Variants in FAM83D observed in about 807,000 individuals in gnomAD.
FAM83D encodes the protein scaffolding CK1 anchoring protein D.
Under a neutral mutation model 25.4 loss-of-function variants are expected in FAM83D, and 26 were observed. That is an observed-to-expected ratio of 1.02 (90% CI 0.75 to 1.42). FAM83D has a LOEUF of 1.42. FAM83D is among the 40% of genes most tolerant of loss of function. FAM83D has a pLI of 0.00. For missense variants in FAM83D, 740 were observed against 758.1 expected (o/e 0.98, Z 0.28); for synonymous variants, 310 against 318.5 (o/e 0.97, Z 0.28).
intron 1 of FAM83D, among the ~76,000 whole-genome samples, chr20:38,931,770 G>T (rs2085659660): frequency 1.3e-5 from 2 of 152,258 alleles, no homozygotes; most frequent in Non-Finnish European, 1.5e-5. Context: ...GTTTTATCCA[G>T]CAGCTCTCTG....
chr20:38,929,402 G>A (rs892430373), intron 1 of FAM83D, among the ~76,000 whole-genome samples: 2 of 152,020 alleles, frequency 1.3e-5, no homozygotes, highest in African/African-American at 4.8e-5. Flanking sequence ...GAAAGTCTCC[G>A]GAGTGGCAGT....
At chr20:38,930,340 GAGGCTACAATTAAGAAAAGACC>G (rs1269818859) in intron 1 of FAM83D, among the ~76,000 whole-genome samples, 1 of 152,182 alleles carries the variant, frequency 6.6e-6, no homozygotes, top group Non-Finnish European at 1.5e-5. Context: ...ACACTGGGAG[GAGGCTACAATTAAGAAAAGACC>G]AGGCACAGAG....
chr20:38,951,848 CTG>C lies in FAM83D; in HGVS notation c.1089_1090del (p.Cys363Ter), dbSNP rs1215699407. On this transcript the variant is annotated frameshift_variant, in exon 4 of 4. Coordinates refer to ENST00000619850, the MANE Select transcript of FAM83D (RefSeq NM_030919.3). LOFTEE classifies it low-confidence loss of function (END_TRUNC). Reference protein sequence around the residue: ...EGKAERKPHDCESSTVSEEDY... With the variant: ...EGKAERKPHDXESSTVSEEDY... ...GCAAGGCAGAGCGCAAGCCCCATGA[CTG>C]TGAGTCCTCTACTGTTAGTGAGGAA... The C allele has an allele frequency of 6.2e-7, 1 of 1,614,242 alleles. No individual in the cohort carries two copies. The highest frequency in any genetic ancestry group is 8.5e-7 in the Non-Finnish European group (1 of 1,180,044).
rs777085698 is a variant in FAM83D at position 38,952,424 on chromosome 20, C to G, written c.1662C>G (p.Leu554=). ...TGGCTATGCTGTCAAGGAGAACACT[C>G]TTTACTGAAAACCACCTTGGCCTTC... is the stretch of plus-strand genomic sequence containing the variant. ...HMLAMLSRRT[L]FTENHLGLHS... is the part of the protein sequence containing the mutation. The change falls in exon 4 of 4, where the codon CTC becomes CTG. Residue 554 remains leucine, a synonymous_variant. Transcript: ENST00000619850. 1 of 1,614,156 alleles carries G rather than the reference C, an allele frequency of 6.2e-7. No homozygotes were observed. Among genetic ancestry groups the G allele is most frequent in the East Asian group, 2.2e-5 (1 of 44,884 alleles).
chr20:38,943,875 A>G (rs1280449376), intron 2 of FAM83D, among the ~76,000 whole-genome samples: 1 of 152,182 alleles, frequency 6.6e-6, no homozygotes, highest in Non-Finnish European at 1.5e-5. Context: ...TATTTTTAAT[A>G]GAGACAGGGT....
intron 1 of FAM83D, among the ~76,000 whole-genome samples, chr20:38,940,711 A>G (rs1201137129): frequency 6.6e-6 from 1 of 151,998 alleles, no homozygotes; most frequent in Non-Finnish European, 1.5e-5. Flanking sequence ...GGACACCCCC[A>G]CTGCCCTGCC....
At chr20:38,950,605 G>A (rs2145808930) in intron 3 of FAM83D, among the ~76,000 whole-genome samples, 1 of 152,290 alleles carries the variant, frequency 6.6e-6, no homozygotes, top group Middle Eastern at 3.4e-3. Context: ...GGCCACTGAT[G>A]TTGCCACTCA....
rs983893894 is a variant in FAM83D, at chr20:38,953,053, C to T, written c.*533C>T. 1.3e-5 allele frequency: 2 copies of T among 154,268 alleles called. No individual in the cohort carries two copies. The highest frequency in any genetic ancestry group is 4.8e-5 in the African/African-American group (2 of 41,438). The allele number at this position is 154,268 out of a possible 1,614,324, so 9.6% of individuals were successfully genotyped here. ...AAATAAAACTACTTTCTGTTTATCT[C>T]TTTAGAATATCTGTGTTCTTAGCAT... On this transcript the variant is annotated 3_prime_UTR_variant, in exon 4 of 4. Transcript: ENST00000619850.
chr20:38,938,141 A>G (rs2085686434), intron 1 of FAM83D, among the ~76,000 whole-genome samples: 1 of 152,164 alleles, frequency 6.6e-6, no homozygotes, highest in South Asian at 2.1e-4. Flanking sequence ...AAACCAAACA[A>G]TGGAACAAAT....
intron 2 of FAM83D, among the ~76,000 whole-genome samples, chr20:38,943,782 C>T (rs968260030): frequency 7.9e-5 from 12 of 152,102 alleles, no homozygotes; most frequent in African/African-American, 2.9e-4. Flanking sequence ...CTTCTGCCTC[C>T]CGGGTTCAAG....
At position 38,952,875 on chromosome 20, in the gene FAM83D, A is replaced by G. The variant is rs1255189469; in HGVS notation, c.*355A>G. 8.1e-6 allele frequency: 2 copies of G among 248,234 alleles called. No homozygotes were observed. The highest frequency in any genetic ancestry group is 1.6e-5 in the Non-Finnish European group (2 of 128,388). 15.4% of individuals were successfully genotyped at this position (248,234 alleles called of 1,614,324 possible). ...CTATACCTTTTCTGTGTTTAGATACAAATACCATTATGTTACAGTTGCCTA... is the reference window on the plus strand; with the variant it reads ...CTATACCTTTTCTGTGTTTAGATACGAATACCATTATGTTACAGTTGCCTA... On this transcript the variant is annotated 3_prime_UTR_variant, in exon 4 of 4. Transcript: ENST00000619850.
intron 2 of FAM83D, among the ~76,000 whole-genome samples, chr20:38,944,044 T>C: frequency 6.6e-6 from 1 of 152,190 alleles, no homozygotes; most frequent in Non-Finnish European, 1.5e-5. Context: ...GCCTTTTGGC[T>C]AAGATCAAGT....
At chr20:38,935,089 A>G (rs901694952) in intron 1 of FAM83D, among the ~76,000 whole-genome samples, 8 of 152,230 alleles carry the variant, frequency 5.3e-5, no homozygotes, top group South Asian at 2.1e-4. Flanking sequence ...ATGGAAGAAT[A>G]TACAAAAAAC....
rs1394087392 is a variant in FAM83D, at chr20:38,951,799, T to C, written c.1037T>C (p.Leu346Pro). The change falls in exon 4 of 4, where the codon CTG (leucine) becomes CCG (proline). Residue 346 changes from leucine (L) to proline (P), a missense_variant. Coordinates refer to ENST00000619850, the MANE Select transcript of FAM83D (RefSeq NM_030919.3). ...RLSSTPRKAD[L>P]DPEMPAEGKA... ...TCAAGTACTCCCAGGAAGGCGGACC[T>C]GGACCCAGAGATGCCCGCAGAGGGC... 2 of 1,614,080 alleles carry C rather than the reference T, an allele frequency of 1.2e-6. No individual in the cohort carries two copies. Among genetic ancestry groups the C allele is most frequent in the Non-Finnish European group, 8.5e-7 (1 of 1,180,046 alleles).
intron 1 of FAM83D, among the ~76,000 whole-genome samples, chr20:38,929,179 GAAA>G (rs60923362): frequency 5.5e-5 from 7 of 126,944 alleles, no homozygotes; most frequent in Admixed American, 8.2e-5. Context: ...CTCCCTCTCG[GAAA>G]AAAAAAAAAA....
rs773329651 is a variant in FAM83D, at chr20:38,926,441, C to G, written c.-2C>G. The G allele has an allele frequency of 8.1e-6, 13 of 1,598,420 alleles. No individual in the cohort carries two copies. The Admixed American group carries it at 2.0e-4, about 25-fold the overall frequency. ...CGAGGGCTGTCGAGTCCGAGCGCCG[C>G]CATGGCTCTGCTGTCCGAGGGCCTG... On this transcript the variant is annotated 5_prime_UTR_variant, in exon 1 of 4. Transcript: ENST00000619850.
At chr20:38,927,269 A>G (rs1012630945) in intron 1 of FAM83D, among the ~76,000 whole-genome samples, 10 of 152,086 alleles carry the variant, frequency 6.6e-5, no homozygotes, top group Non-Finnish European at 8.8e-5. Flanking sequence ...AAAATTGCCT[A>G]TTTCCCTGTC....
intron 1 of FAM83D, among the ~76,000 whole-genome samples, chr20:38,927,467 A>C (rs1410333791): frequency 1.3e-5 from 2 of 150,760 alleles, no homozygotes; most frequent in African/African-American, 2.4e-5. Flanking sequence ...AGAGTGGCAA[A>C]GTGAGAGCCC....
intron 2 of FAM83D, among the ~76,000 whole-genome samples, chr20:38,943,404 C>T (rs993122296): frequency 6.6e-6 from 1 of 152,110 alleles, no homozygotes; most frequent in Non-Finnish European, 1.5e-5. Context: ...GTGTTTTAGA[C>T]CAGGAAATAG....
Sources: gnomAD v4.1 joint callset for allele counts (sites outside exome capture counted in the v4.1 genomes callset) on GRCh38, gnomAD v4.1.1 for gene constraint, MANE v1.5 for transcripts, NCBI Gene and HGNC (gene_info 2026-07-23, HGNC 2026-07-21) for gene names.